SCFD2: variants seen among roughly 807,000 people sequenced by gnomAD.
SCFD2 encodes sec1 family domain containing 2, also known as sec1 family domain-containing protein 2.
SCFD2 carries 54 observed loss-of-function variants against 58.9 expected under a neutral mutation model. That is an observed-to-expected ratio of 0.92 (90% CI 0.74 to 1.15). The LOEUF is 1.15. Among genes scored for constraint, SCFD2 ranks in the 50% most tolerant of loss-of-function variants. SCFD2 has a pLI of 0.00. For synonymous variants in SCFD2, 321 were observed against 335.9 expected (o/e 0.96, Z 0.49); for missense variants, 805 against 836.6 (o/e 0.96, Z 0.47).
chr4:52,881,838 T>A (rs1423651976), intron 8 of SCFD2, among the ~76,000 whole-genome samples: 46 of 152,150 alleles, frequency 3.0e-4, no homozygotes. Flanking sequence ...TATTGGACAT[T>A]CAATTAACAT....
intron 5 of SCFD2, among the ~76,000 whole-genome samples, chr4:52,922,913 A>G (rs1326083028): frequency 6.6e-6 from 1 of 152,248 alleles, no homozygotes; most frequent in East Asian, 1.9e-4. Flanking sequence ...TAGTAGATGT[A>G]AAGTGAGGAT....
intron 4 of SCFD2, among the ~76,000 whole-genome samples, chr4:53,250,782 A>T (rs1310290134): frequency 6.6e-6 from 1 of 152,268 alleles, no homozygotes; most frequent in Non-Finnish European, 1.5e-5. Flanking sequence ...AATGCCCACA[A>T]GAGAAAGCAG....
At chr4:52,895,743 T>A in intron 7 of SCFD2, among the ~76,000 whole-genome samples, 1 of 152,164 alleles carries the variant, frequency 6.6e-6, no homozygotes, top group East Asian at 1.9e-4. Context: ...TGAGGAATCG[T>A]CACACCGATT....
chr4:52,947,943 C>G (rs1296270035), intron 5 of SCFD2, among the ~76,000 whole-genome samples: 2 of 34,120 alleles, frequency 5.9e-5, no homozygotes, highest in Admixed American at 3.2e-4. Flanking sequence ...TGGAAAAATA[C>G]AAACAACCAA....
intron 5 of SCFD2, among the ~76,000 whole-genome samples, chr4:53,046,063 G>A (rs778380596): frequency 2.0e-5 from 3 of 151,924 alleles, no homozygotes; most frequent in Non-Finnish European, 4.4e-5. Context: ...TGCAGAAGTG[G>A]GCCCAGAATG....
intron 5 of SCFD2, among the ~76,000 whole-genome samples, chr4:53,018,147 T>C (rs753682479): frequency 1.3e-5 from 2 of 152,212 alleles, no homozygotes; most frequent in Non-Finnish European, 2.9e-5. Context: ...ATTTACTGTT[T>C]CAACCCCAGG....
At chr4:53,215,286 C>T (rs1348227539) in intron 4 of SCFD2, among the ~76,000 whole-genome samples, 3 of 152,070 alleles carry the variant, frequency 2.0e-5, no homozygotes, top group African/African-American at 4.8e-5. Context: ...TAGACATGAG[C>T]ATGGGATGTT....
chr4:53,227,806 GA>G (rs1233970172), intron 4 of SCFD2, among the ~76,000 whole-genome samples: 3 of 152,102 alleles, frequency 2.0e-5, no homozygotes, highest in African/African-American at 7.2e-5. Context: ...CAAAAATTAT[GA>G]ATCTGACTTT....
intron 2 of SCFD2, among the ~76,000 whole-genome samples, chr4:53,329,585 A>C (rs1274518145): frequency 6.6e-6 from 1 of 151,588 alleles, no homozygotes; most frequent in Non-Finnish European, 1.5e-5. Context: ...CACACCAAAA[A>C]CCCATCTGTA....
chr4:53,184,713 C>T (rs904465042), intron 4 of SCFD2, among the ~76,000 whole-genome samples: 9 of 152,088 alleles, frequency 5.9e-5, no homozygotes, highest in African/African-American at 1.2e-4. Context: ...GGGAACTCAA[C>T]TCATCAATCC....
intron 4 of SCFD2, among the ~76,000 whole-genome samples, chr4:53,239,109 A>G (rs11723955): frequency 0.98 from 145,296 of 148,862 alleles, 71,015 homozygotes; most frequent in Middle Eastern, 1. Context: ...CTGCAATCCC[A>G]GCACCTCAGG....
chr4:53,249,846 A>G (rs1033237327), intron 4 of SCFD2, among the ~76,000 whole-genome samples: 2 of 152,246 alleles, frequency 1.3e-5, no homozygotes, highest in African/African-American at 4.8e-5. Context: ...CTGAAAAATC[A>G]TGACAAATTG....
chr4:53,248,252 G>A (rs564349353), intron 4 of SCFD2, among the ~76,000 whole-genome samples: 1 of 152,320 alleles, frequency 6.6e-6, no homozygotes, highest in Non-Finnish European at 1.5e-5. Context: ...ATTATATCCC[G>A]CACCTGGCTT....
intron 5 of SCFD2, among the ~76,000 whole-genome samples, chr4:52,974,768 T>G (rs1268823906): frequency 3.3e-5 from 5 of 152,042 alleles, no homozygotes; most frequent in Non-Finnish European, 7.4e-5. Context: ...GACTTCAAAC[T>G]ATACTACAAG....
chr4:53,247,958 G>C (rs1166890775), intron 4 of SCFD2, among the ~76,000 whole-genome samples: 3 of 151,942 alleles, frequency 2.0e-5, no homozygotes, highest in Admixed American at 6.6e-5. Context: ...GTCTACAGCT[G>C]CCAGCGTGAG....
rs1553896875 is a variant in SCFD2 at position 53,293,693 on chromosome 4, G to GT, written c.1136-19693dup. Among the ~76,000 whole-genome samples, 5 of 152,196 alleles carry GT rather than the reference G, an allele frequency of 3.3e-5. No homozygotes were observed. In the South Asian group the frequency reaches 1.0e-3, roughly 32 times the overall value. The stretch of plus-strand genomic sequence containing the variant: ...ATAATCAATGGCGAACAACTGAAAA[G>GT]TTTTTTCCCTAAAATCTGGTATATG... On this transcript the variant is annotated intron_variant, in intron 3 of 8. Transcript: ENST00000401642.
intron 5 of SCFD2, among the ~76,000 whole-genome samples, chr4:52,989,171 G>C (rs1374817533): frequency 6.6e-6 from 1 of 152,122 alleles, no homozygotes; most frequent in Non-Finnish European, 1.5e-5. Flanking sequence ...GAACAGAGTG[G>C]GCAATCATTG....
At chr4:52,970,803 C>A (rs1721081135) in intron 5 of SCFD2, among the ~76,000 whole-genome samples, 1 of 152,240 alleles carries the variant, frequency 6.6e-6, no homozygotes, top group Admixed American at 6.5e-5. Context: ...CGGCCGGGTA[C>A]TCCTCTGAGA....
intron 7 of SCFD2, 67 bp downstream of exon 7, chr4:52,907,390 C>T (rs1719371735): frequency 1.3e-6 from 2 of 1,528,264 alleles, no homozygotes; most frequent in African/African-American, 2.7e-5. Context: ...AACAGGGTGC[C>T]AGCATTTTCA....
Sources: allele counts gnomAD v4.1 joint callset (sites outside exome capture counted in the v4.1 genomes callset), GRCh38; gene constraint gnomAD v4.1.1; transcripts MANE v1.5; gene names NCBI Gene and HGNC (gene_info 2026-07-23, HGNC 2026-07-21).